Variants in DPP6 observed in about 807,000 individuals in gnomAD.
DPP6 encodes dipeptidyl peptidase like 6, also known as A-type potassium channel modulatory protein DPP6.
A neutral mutation model predicts 122.6 loss-of-function variants in DPP6; 69 were observed. That is an observed-to-expected ratio of 0.56 (90% CI 0.46 to 0.69). The LOEUF (loss-of-function observed/expected upper bound fraction) is 0.69, where lower values mean the gene tolerates loss of function less well. DPP6 is among the 30% of genes least tolerant of loss of function. DPP6 has a pLI of 0.00. For synonymous variants in DPP6, 418 were observed against 433.1 expected, an observed-to-expected ratio of 0.97 and a Z score of 0.43; for missense variants, 928 against 1,116.9, an observed-to-expected ratio of 0.83 and a Z score of 2.41.
intron 1 of DPP6, among the ~76,000 whole-genome samples, chr7:154,312,356 C>T (rs571193795): frequency 3.9e-5 from 6 of 152,220 alleles, no homozygotes; most frequent in Admixed American, 6.5e-5. Flanking sequence ...ATCCTGAATG[C>T]AGCCCTCCAC....
chr7:154,880,942 G>C lies in DPP6; in HGVS notation c.2133G>C (p.Lys711Asn). ...GGACGCGCGTGGCCGTGTTTGGGAAGGTGAGTCTGCGCCACCCTGGTCTGA... is the reference window on the plus strand; with the variant it reads ...GGACGCGCGTGGCCGTGTTTGGGAACGTGAGTCTGCGCCACCCTGGTCTGA... ...IDRTRVAVFG[K>N]DYGGYLSTYI... The change falls in exon 21 of 26, where the codon AAG becomes AAC. Residue 711 changes from lysine to asparagine, a missense_variant and splice_region_variant. Lys to Asn is a moderately conservative substitution (Grantham distance 94, BLOSUM62 0). Transcript: ENST00000377770. 1 of 1,613,954 alleles carries C rather than the reference G, an allele frequency of 6.2e-7. No individual in the cohort carries two copies. The highest frequency in any genetic ancestry group is 8.5e-7 in the Non-Finnish European group (1 of 1,179,874).
chr7:153,833,859 C>T, the DPP6 span, among the ~76,000 whole-genome samples: 1 of 152,182 alleles, frequency 6.6e-6, no homozygotes, highest in East Asian at 1.9e-4. Flanking sequence ...AAGGACAATG[C>T]ATTCTGCTTT....
chr7:154,400,232 C>T (rs950594605), intron 1 of DPP6, among the ~76,000 whole-genome samples: 2 of 152,144 alleles, frequency 1.3e-5, no homozygotes, highest in Non-Finnish European at 2.9e-5. Context: ...TCTCACTGGC[C>T]ACAGCAAAGA....
At chr7:154,816,046 G>A (rs73502112) in intron 16 of DPP6, among the ~76,000 whole-genome samples, 1,766 of 152,284 alleles carry the variant, frequency 0.012, 30 homozygotes, top group African/African-American at 0.041. Flanking sequence ...CAGTAAGGGA[G>A]GTCTATGGAG....
At chr7:154,696,732 G>A (rs944132485) in intron 7 of DPP6, among the ~76,000 whole-genome samples, 2 of 152,204 alleles carry the variant, frequency 1.3e-5, no homozygotes, top group Admixed American at 1.3e-4. Flanking sequence ...GGGCTTATGA[G>A]GATGTGACTC....
chr7:154,474,915 T>C, intron 2 of DPP6, 24 bp from the exon 3 acceptor site: 2 of 1,566,180 alleles, frequency 1.3e-6, no homozygotes, highest in Non-Finnish European at 1.8e-6. Context: ...CAAGCTTAAC[T>C]CTTTGCTTTT....
At chr7:154,623,622 C>T (rs62477226) in intron 5 of DPP6, among the ~76,000 whole-genome samples, 56,413 of 148,978 alleles carry the variant, frequency 0.38, 10,776 homozygotes, top group East Asian at 0.68. Flanking sequence ...CACGTACACG[C>T]GCACACATGC....
At chr7:154,655,732 C>CA (rs1332929237) in intron 6 of DPP6, among the ~76,000 whole-genome samples, 3 of 152,222 alleles carry the variant, frequency 2.0e-5, no homozygotes, top group African/African-American at 7.2e-5. Flanking sequence ...AAGGTGGGGC[C>CA]AGGGACTTCT....
the DPP6 span, among the ~76,000 whole-genome samples, chr7:153,804,691 G>T: frequency 2.0e-5 from 3 of 151,982 alleles, no homozygotes; most frequent in South Asian, 4.2e-4. Context: ...TCAGGAGTTC[G>T]AGACCAGCCT....
chr7:153,926,026 G>A (rs899948049), intron 1 of DPP6, among the ~76,000 whole-genome samples: 3 of 152,108 alleles, frequency 2.0e-5, no homozygotes, highest in African/African-American at 7.2e-5. Context: ...CCTCACACCC[G>A]TTAGGGAACA....
At chr7:153,903,303 G>C (rs934750029) in intron 1 of DPP6, among the ~76,000 whole-genome samples, 1 of 152,194 alleles carries the variant, frequency 6.6e-6, no homozygotes, top group Non-Finnish European at 1.5e-5. Flanking sequence ...CCACAGGGGT[G>C]ATCAGGCCTG....
intron 16 of DPP6, among the ~76,000 whole-genome samples, chr7:154,846,310 G>A (rs559895239): frequency 1.5e-4 from 23 of 151,632 alleles, no homozygotes; most frequent in South Asian, 6.2e-4. Context: ...CCCCTTCATC[G>A]TGCATTTCTG....
intron 1 of DPP6, among the ~76,000 whole-genome samples, chr7:153,964,822 C>CTTTCCTTTCCTTTTCCTTTTCCTTTTCCT (rs1554420643): frequency 3.6e-3 from 148 of 41,182 alleles, no homozygotes; most frequent in African/African-American, 0.013. Context: ...CTTTCCTTTC[C>CTTTCCTTTCCTTTTCCTTTTCCTTTTCCT]TTTCCTTTTC....
chr7:154,681,354 A>G (rs13223942), intron 7 of DPP6, among the ~76,000 whole-genome samples: 30,709 of 152,278 alleles, frequency 0.2, 3,861 homozygotes, highest in Non-Finnish European at 0.28. Flanking sequence ...TTTCAAGATC[A>G]TTTATCAAAT....
intron 1 of DPP6, among the ~76,000 whole-genome samples, chr7:154,332,229 GC>G (rs1563494334): frequency 6.6e-6 from 1 of 151,902 alleles, no homozygotes; most frequent in Non-Finnish European, 1.5e-5. Flanking sequence ...ATGCCACCAC[GC>G]CCGGCTAATT....
intron 2 of DPP6, among the ~76,000 whole-genome samples, chr7:154,464,853 A>G (rs1039603350): frequency 2.0e-5 from 3 of 152,240 alleles, no homozygotes; most frequent in East Asian, 1.9e-4. Context: ...CCCCTTATCT[A>G]CAGAGTATCC....
intron 1 of DPP6, among the ~76,000 whole-genome samples, chr7:153,961,492 A>C (rs959836190): frequency 4.7e-5 from 7 of 150,482 alleles, no homozygotes; most frequent in Non-Finnish European, 8.9e-5. Flanking sequence ...GACCTGCTAC[A>C]GCAGCAGTCC....
intron 1 of DPP6, among the ~76,000 whole-genome samples, chr7:154,156,777 G>A (rs1486753841): frequency 6.6e-6 from 1 of 152,026 alleles, no homozygotes; most frequent in Non-Finnish European, 1.5e-5. Context: ...AGGTAGGTAG[G>A]TAGGTAGGTA....
At chr7:154,065,677 A>G (rs1054010611) in intron 1 of DPP6, among the ~76,000 whole-genome samples, 1 of 152,062 alleles carries the variant, frequency 6.6e-6, no homozygotes, top group African/African-American at 2.4e-5. Flanking sequence ...GACCAGGCCA[A>G]TGGTATAAAT....
Sources: allele counts gnomAD v4.1 joint callset (sites outside exome capture counted in the v4.1 genomes callset), GRCh38; gene constraint gnomAD v4.1.1; transcripts MANE v1.5; gene names NCBI Gene and HGNC (gene_info 2026-07-23, HGNC 2026-07-21).